JPH1: variants seen among roughly 807,000 people sequenced by gnomAD.
The protein encoded by JPH1 is junctophilin 1.
In JPH1, 12 loss-of-function variants were observed where a neutral mutation model predicts 53.6. The ratio of observed to expected loss-of-function variants is 0.22; its 90% CI spans 0.14 to 0.36. The LOEUF (loss-of-function observed/expected upper bound fraction) is 0.36. JPH1 is among the 10% of genes least tolerant of loss of function. The probability of loss-of-function intolerance (pLI) is 1.00; values close to 1 mark genes in which losing one functional copy is unlikely to be tolerated. For missense variants in JPH1, 808 were observed against 905.5 expected (o/e 0.89, Z 1.38); for synonymous variants, 375 against 363.8 (o/e 1.03, Z -0.35).
intron 4 of JPH1, among the ~76,000 whole-genome samples, chr8:74,242,708 G>A (rs4517109): frequency 0.76 from 115,485 of 152,134 alleles, 43,898 homozygotes; most frequent in East Asian, 0.82. Flanking sequence ...TGTCAAGTCG[G>A]TCTTGAATTT....
chr8:74,256,255 A>C (rs1347682482), intron 3 of JPH1, among the ~76,000 whole-genome samples: 8 of 152,232 alleles, frequency 5.3e-5, no homozygotes, highest in Middle Eastern at 3.4e-3. Flanking sequence ...ACATGGATGA[A>C]GCTGGAGACC....
intron 4 of JPH1, among the ~76,000 whole-genome samples, chr8:74,242,031 C>T (rs1186402905): frequency 6.6e-6 from 1 of 152,158 alleles, no homozygotes; most frequent in African/African-American, 2.4e-5. Context: ...CCATACGCAA[C>T]CATTGCCCAC....
intron 2 of JPH1, among the ~76,000 whole-genome samples, chr8:74,265,929 A>T (rs1806518375): frequency 6.6e-6 from 1 of 151,548 alleles, no homozygotes; most frequent in Non-Finnish European, 1.5e-5. Flanking sequence ...TTTCACACCC[A>T]TAAGGATGGC....
intron 2 of JPH1, among the ~76,000 whole-genome samples, chr8:74,275,585 C>A (rs1000163585): frequency 6.6e-6 from 1 of 152,118 alleles, no homozygotes; most frequent in African/African-American, 2.4e-5. Context: ...ATTCTTAAAG[C>A]CAGCATGACA....
intron 2 of JPH1, among the ~76,000 whole-genome samples, chr8:74,298,242 T>C (rs556517212): frequency 7.2e-5 from 11 of 152,334 alleles, no homozygotes; most frequent in Non-Finnish European, 1.3e-4. Context: ...AATGTCTCCA[T>C]CAGCCTTTAT....
chr8:74,260,610 AG>A (rs1328309643), intron 2 of JPH1, among the ~76,000 whole-genome samples: 1 of 125,052 alleles, frequency 8.0e-6, no homozygotes, highest in African/African-American at 5.1e-5. Flanking sequence ...AGCAGGAGAG[AG>A]GAGGAGTTGG....
intron 2 of JPH1, among the ~76,000 whole-genome samples, chr8:74,285,333 T>C (rs150072561): frequency 1.5e-3 from 234 of 152,148 alleles, no homozygotes; most frequent in Non-Finnish European, 2.2e-3. Context: ...TACATATAAA[T>C]ACTATATGTA....
rs532580120 is a variant in JPH1, at chr8:74,235,052, C to G, written c.*1999G>C. 2 of 152,514 alleles carry G rather than the reference C, an allele frequency of 1.3e-5. No homozygotes were observed. The highest frequency in any genetic ancestry group is 1.3e-4 in the Admixed American group (2 of 15,274). 9.4% of individuals were successfully genotyped at this position (152,514 alleles called of 1,614,324 possible). A position where few individuals can be genotyped will look rare whatever the true frequency, so the allele number is the denominator to read the frequency against. On this transcript the variant is annotated 3_prime_UTR_variant, in exon 6 of 6. Transcript: ENST00000342232. ...AACATGCTCACTTTATAAACATATC[C>G]TCTCGCTATCTGTTACCCATTATTT... is the stretch of plus-strand genomic sequence containing the variant.
intron 3 of JPH1, among the ~76,000 whole-genome samples, chr8:74,250,652 G>C (rs1407089799): frequency 1.3e-5 from 2 of 152,302 alleles, no homozygotes; most frequent in Admixed American, 1.3e-4. Context: ...TATCATTAGT[G>C]TTAGTGCATT....
chr8:74,275,141 G>GT lies in JPH1; in HGVS notation c.1140-15639dup, dbSNP rs143864704. Among the ~76,000 whole-genome samples, 160 of 152,126 alleles carry GT rather than the reference G, an allele frequency of 1.1e-3. 1 individual carries two copies. Among genetic ancestry groups the GT allele is most frequent in the African/African-American group, 3.7e-3 (155 of 41,508 alleles). ...AGGAAAACCATCTTAGAAATGTTAA[G>GT]TTAAAAAAAAGTCTTCATCCACCTA... On this transcript the variant is annotated intron_variant, in intron 2 of 5. Transcript: ENST00000342232.
In JPH1 at chr8:74,253,249, C is replaced by T. The variant is rs1302700624; in HGVS notation, c.1258+6136G>A. Among the ~76,000 whole-genome samples the T allele has an allele frequency of 3.9e-5, 6 of 152,182 alleles. No homozygotes were observed. The South Asian group carries it at 1.0e-3, about 26-fold the overall frequency. On this transcript the variant is annotated intron_variant, in intron 3 of 5. Transcript: ENST00000342232. The stretch of plus-strand genomic sequence containing the variant: ...CAGGATTAAGAAACTCACTCAAAAC[C>T]GCTCAACTACATGGAAACTGAACAA...
At chr8:74,259,799 T>C (rs780237985) in intron 2 of JPH1, among the ~76,000 whole-genome samples, 28 of 152,216 alleles carry the variant, frequency 1.8e-4, no homozygotes, top group Non-Finnish European at 3.1e-4. Flanking sequence ...AAATCTCCTG[T>C]TGACTTTGGT....
At chr8:74,282,769 C>T (rs937540541) in intron 2 of JPH1, among the ~76,000 whole-genome samples, 10 of 152,088 alleles carry the variant, frequency 6.6e-5, no homozygotes, top group African/African-American at 2.2e-4. Context: ...CTATAGTTAA[C>T]AATTCATTAT....
At chr8:74,246,481 T>A (rs1180618984) in intron 3 of JPH1, among the ~76,000 whole-genome samples, 1 of 152,192 alleles carries the variant, frequency 6.6e-6, no homozygotes. Context: ...AATAAGTTAT[T>A]GTAATGAGGC....
intron 2 of JPH1, among the ~76,000 whole-genome samples, chr8:74,279,546 G>A (rs1035295319): frequency 6.6e-6 from 1 of 152,196 alleles, no homozygotes; most frequent in South Asian, 2.1e-4. Flanking sequence ...GGGCTTAAGA[G>A]AATGGATTCC....
chr8:74,237,432 A>T, intron 4 of JPH1, 129 bp from the exon 5 acceptor site: 1 of 700,312 alleles, frequency 1.4e-6, no homozygotes, highest in Non-Finnish European at 2.5e-6. Context: ...AGATGACAGC[A>T]GTTCGGAAAG....
chr8:74,300,923 C>G (rs1405463506), intron 2 of JPH1, among the ~76,000 whole-genome samples: 1 of 152,144 alleles, frequency 6.6e-6, no homozygotes, highest in Non-Finnish European at 1.5e-5. Context: ...AATGATGGAG[C>G]CTTACTGGCC....
chr8:74,284,727 A>C (rs534018034), intron 2 of JPH1, among the ~76,000 whole-genome samples: 1 of 150,612 alleles, frequency 6.6e-6, no homozygotes. Context: ...TAAACAAATT[A>C]TAATATTGTA....
intron 3 of JPH1, among the ~76,000 whole-genome samples, chr8:74,250,464 C>G (rs183525769): frequency 7.2e-4 from 110 of 152,334 alleles, no homozygotes; most frequent in Admixed American, 7.1e-3. Flanking sequence ...GGAGAAAGAG[C>G]CACAAATCTA....
Sources: gnomAD v4.1 joint callset for allele counts (sites outside exome capture counted in the v4.1 genomes callset) on GRCh38, gnomAD v4.1.1 for gene constraint, MANE v1.5 for transcripts, NCBI Gene and HGNC (gene_info 2026-07-23, HGNC 2026-07-21) for gene names.